CSMD2: variants seen among roughly 807,000 people sequenced by gnomAD.
The protein encoded by CSMD2 is CUB and sushi domain-containing protein 2.
A neutral mutation model predicts 398.5 loss-of-function variants in CSMD2; 130 were observed. The observed-to-expected ratio is 0.33, with a 90% CI of 0.28 to 0.38. CSMD2 has a LOEUF of 0.38. CSMD2 is among the 10% of genes least tolerant of loss of function. The probability of loss-of-function intolerance (pLI) is 1.00; values close to 1 mark genes in which losing one functional copy is unlikely to be tolerated. For synonymous variants in CSMD2, 1,828 were observed against 1,908.5 expected, an observed-to-expected ratio of 0.96 and a Z score of 1.10; for missense variants, 3,829 against 4,764.9, an observed-to-expected ratio of 0.80 and a Z score of 5.78.
intron 32 of CSMD2, among the ~76,000 whole-genome samples, chr1:33,632,947 C>T (rs1343426985): frequency 1.3e-5 from 2 of 151,918 alleles, no homozygotes; most frequent in African/African-American, 4.8e-5. Context: ...AAGCTCGTAG[C>T]GAATATTTCA....
At chr1:33,766,073 A>G (rs1174292040) in intron 13 of CSMD2, among the ~76,000 whole-genome samples, 1 of 152,174 alleles carries the variant, frequency 6.6e-6, no homozygotes. Context: ...GTCTGTCTCC[A>G]GACTGTGCTC....
chr1:33,676,595 A>G (rs897701795), intron 25 of CSMD2, among the ~76,000 whole-genome samples: 2 of 152,206 alleles, frequency 1.3e-5, no homozygotes, highest in African/African-American at 4.8e-5. Flanking sequence ...TCTTCACAGA[A>G]TTGGAAAAAA....
At chr1:33,916,564 T>C (rs1643732220) in intron 5 of CSMD2, among the ~76,000 whole-genome samples, 1 of 152,212 alleles carries the variant, frequency 6.6e-6, no homozygotes. Context: ...CTCACTCACC[T>C]GTGCTTCTCT....
rs1425836574 is a variant in CSMD2 at position 33,614,503 on chromosome 1, C to A, written c.6133+1G>T. The A allele has an allele frequency of 6.4e-7, 1 of 1,569,984 alleles. No homozygotes were observed. The highest frequency in any genetic ancestry group is 8.8e-7 in the Non-Finnish European group (1 of 1,139,826). ...CTCCTCTGGGGGCTGCAGAGACTTA[C>A]CAAAGCCCACGGGCAGTGCTATTTT... On this transcript the variant is annotated splice_donor_variant, in intron 40 of 70. Transcript: ENST00000373381. LOFTEE classifies it high-confidence loss of function.
At chr1:34,062,913 T>C (rs1010438040) in intron 2 of CSMD2, among the ~76,000 whole-genome samples, 1 of 152,140 alleles carries the variant, frequency 6.6e-6, no homozygotes, top group African/African-American at 2.4e-5. Flanking sequence ...AGAGGTTTAA[T>C]TGGACTTACA....
At chr1:33,957,789 A>T (rs1490491122) in intron 3 of CSMD2, among the ~76,000 whole-genome samples, 2 of 152,186 alleles carry the variant, frequency 1.3e-5, no homozygotes, top group Non-Finnish European at 2.9e-5. Flanking sequence ...GACCATCAGG[A>T]CCTGAAAGGT....
intron 3 of CSMD2, among the ~76,000 whole-genome samples, chr1:34,023,972 T>A (rs1056922962): frequency 7.2e-5 from 11 of 152,156 alleles, no homozygotes; most frequent in Non-Finnish European, 1.3e-4. Context: ...GACTCTTTAA[T>A]CCTCATTACA....
chr1:34,092,913 A>G (rs1658804306), intron 1 of CSMD2, among the ~76,000 whole-genome samples: 4 of 152,090 alleles, frequency 2.6e-5, no homozygotes, highest in Admixed American at 2.6e-4. Context: ...ACCACAGCTC[A>G]AGGAGGCCTG....
intron 10 of CSMD2, among the ~76,000 whole-genome samples, chr1:33,802,888 A>G (rs554191333): frequency 2.1e-4 from 32 of 152,188 alleles, no homozygotes; most frequent in African/African-American, 7.7e-4. Flanking sequence ...TATTTTAAAC[A>G]CATGCCCCAA....
chr1:33,723,160 T>C (rs1397288763), intron 19 of CSMD2, among the ~76,000 whole-genome samples: 1 of 152,268 alleles, frequency 6.6e-6, no homozygotes, highest in African/African-American at 2.4e-5. Context: ...ATTTAGCCCA[T>C]AACAACATTT....
chr1:33,537,243 GCTGT>G lies in CSMD2; in HGVS notation c.9806-152_9806-149del, dbSNP rs1655885523. ...GATCCCCACCTGAGCCTTGGCCCTG[GCTGT>G]CTATTTGACTCCTCGAAGCACACTA... On this transcript the variant is annotated intron_variant, in intron 61 of 70. Transcript: ENST00000373381. This position sits in a 1 kb window ranked among gnomAD's most constrained non-coding sequence, Gnocchi z 4.6. The G allele has an allele frequency of 3.6e-6, 4 of 1,114,830 alleles. 1 individual carries two copies. Among genetic ancestry groups the G allele is most frequent in the Admixed American group, 2.0e-5 (1 of 50,178 alleles). The allele number at this position is 1,114,830 out of a possible 1,614,324, so 69.1% of individuals were successfully genotyped here. A position where few individuals can be genotyped will look rare whatever the true frequency, so the allele number is the denominator to read the frequency against.
intron 1 of CSMD2, among the ~76,000 whole-genome samples, chr1:34,141,515 G>T (rs1639292511): frequency 6.6e-6 from 1 of 152,170 alleles, no homozygotes; most frequent in African/African-American, 2.4e-5. Context: ...ATTTATTGAA[G>T]TGATGGCTGG....
At chr1:33,767,979 C>T (rs1650733621) in intron 13 of CSMD2, among the ~76,000 whole-genome samples, 1 of 152,194 alleles carries the variant, frequency 6.6e-6, no homozygotes, top group Non-Finnish European at 1.5e-5. Flanking sequence ...AAATTCCAGC[C>T]TATTATTTAG....
intron 2 of CSMD2, 102 bp downstream of exon 2, chr1:34,088,875 T>C: frequency 3.2e-6 from 3 of 939,956 alleles, no homozygotes; most frequent in Non-Finnish European, 3.4e-6. Context: ...ACAGTGGTCT[T>C]TGTTGATGAC....
At chr1:33,743,633 G>A (rs1647161560) in intron 13 of CSMD2, 27 bp from the exon 14 acceptor site, 1 of 1,511,888 alleles carries the variant, frequency 6.6e-7, no homozygotes, top group Admixed American at 1.9e-5. Flanking sequence ...GTGGAGGTCA[G>A]TAAGCATCCC....
At chr1:33,525,153 A>C in intron 65 of CSMD2, 110 bp from the exon 66 acceptor site, 2 of 1,133,002 alleles carry the variant, frequency 1.8e-6, no homozygotes, top group Non-Finnish European at 2.6e-6. Context: ...CCTTTCCCCA[A>C]TGTCTACCAT....
chr1:33,947,328 C>A (rs1054359089), intron 3 of CSMD2, among the ~76,000 whole-genome samples: 2 of 152,160 alleles, frequency 1.3e-5, no homozygotes, highest in Non-Finnish European at 2.9e-5. Context: ...GAGTCTTAGT[C>A]CCCTATATCC....
intron 2 of CSMD2, among the ~76,000 whole-genome samples, chr1:34,054,600 C>A (rs954398532): frequency 6.6e-6 from 1 of 152,018 alleles, no homozygotes; most frequent in Non-Finnish European, 1.5e-5. Flanking sequence ...ATTAGCCGGG[C>A]GTGGTGGCAG....
chr1:33,739,395 A>G, intron 14 of CSMD2, 61 bp from the exon 15 acceptor site: 3 of 1,470,756 alleles, frequency 2.0e-6, no homozygotes, highest in South Asian at 1.4e-5. Context: ...GAATCCCTAA[A>G]GAAAATTAGC....
Sources: allele counts gnomAD v4.1 joint callset (sites outside exome capture counted in the v4.1 genomes callset), GRCh38; gene constraint gnomAD v4.1.1; non-coding constraint Gnocchi (gnomAD v3.1); transcripts MANE v1.5; gene names NCBI Gene and HGNC (gene_info 2026-07-23, HGNC 2026-07-21).